ATL1: variants seen among roughly 807,000 people sequenced by gnomAD.
ATL1 encodes atlastin-1.
ATL1 carries 31 observed loss-of-function variants against 75.5 expected under a neutral mutation model. That is an observed-to-expected ratio of 0.41 (90% CI 0.31 to 0.55). ATL1 has a LOEUF of 0.55. ATL1 is among the 20% of genes least tolerant of loss of function. ATL1 has a pLI of 0.27. For synonymous variants in ATL1, 226 were observed against 233.3 expected (o/e 0.97, Z 0.28); for missense variants, 405 against 662.6 (o/e 0.61, Z 4.27).
At chr14:50,624,364 C>T (rs754282031) in intron 11 of ATL1, among the ~76,000 whole-genome samples, 35 of 152,056 alleles carry the variant, frequency 2.3e-4, no homozygotes, top group Non-Finnish European at 4.0e-4. Context: ...CAAACTTTTT[C>T]ATTATTATTA....
chr14:50,576,589 T>A (rs962558381), intron 1 of ATL1, among the ~76,000 whole-genome samples: 1 of 152,068 alleles, frequency 6.6e-6, no homozygotes, highest in Non-Finnish European at 1.5e-5. Context: ...GAAAAAAAAA[T>A]TTTAGAGACA....
intron 1 of ATL1, among the ~76,000 whole-genome samples, chr14:50,570,437 A>G (rs2038944408): frequency 6.6e-6 from 1 of 152,030 alleles, no homozygotes; most frequent in Non-Finnish European, 1.5e-5. Flanking sequence ...GTGTAGTGGT[A>G]TGATCAGAAC....
rs149901427 is a variant in ATL1, at chr14:50,587,959, C to A, written c.163C>A (p.Arg55=). The stretch of plus-strand genomic sequence containing the variant: ...TGAGTTAGATGAAACTGCATTAAAT[C>A]GGATCCTTCTCTCGGAGGCTGTCAG... ...SFELDETALN[R]ILLSEAVRDK... Residue 55 remains arginine (R), a synonymous_variant, in exon 2 of 14, where the codon CGG becomes AGG. Coordinates refer to ENST00000358385, the MANE Select transcript of ATL1 (RefSeq NM_015915.5). 2.5e-6 allele frequency: 4 copies of A among 1,614,058 alleles called. No homozygotes were observed. In the Admixed American group the frequency reaches 6.7e-5, roughly 27 times the overall value.
chr14:50,596,918 A>AG (rs1413234629), intron 6 of ATL1, among the ~76,000 whole-genome samples: 4 of 152,174 alleles, frequency 2.6e-5, no homozygotes, highest in Non-Finnish European at 5.9e-5. Context: ...CAAATTAAGA[A>AG]GAAAAAGTAG....
intron 7 of ATL1, 21 bp from the exon 8 acceptor site, chr14:50,614,351 AC>A (rs1030451134): frequency 6.2e-7 from 1 of 1,613,544 alleles, no homozygotes; most frequent in Non-Finnish European, 8.5e-7. Flanking sequence ...AGTAGTTTAA[AC>A]TTCAGAATGA....
chr14:50,536,001 C>A (rs962824171), intron 1 of ATL1, among the ~76,000 whole-genome samples: 2 of 152,224 alleles, frequency 1.3e-5, no homozygotes, highest in South Asian at 4.1e-4. Flanking sequence ...CTGCTGCCAT[C>A]GTGTGAGACA....
chr14:50,630,127 C>T (rs2039565751), intron 13 of ATL1, 118 bp downstream of exon 13: 3 of 640,036 alleles, frequency 4.7e-6, no homozygotes, highest in African/African-American at 3.8e-5. Context: ...TCTTTGGTGA[C>T]TTCTAACATT....
At chr14:50,619,413 G>T (rs2039445450) in intron 8 of ATL1, among the ~76,000 whole-genome samples, 1 of 152,064 alleles carries the variant, frequency 6.6e-6, no homozygotes, top group East Asian at 1.9e-4. Flanking sequence ...ACGTTGGCCA[G>T]GCTGGTCTCA....
At chr14:50,614,134 G>T (rs1043480937) in intron 7 of ATL1, among the ~76,000 whole-genome samples, 1 of 152,196 alleles carries the variant, frequency 6.6e-6, no homozygotes, top group Non-Finnish European at 1.5e-5. Flanking sequence ...GAAGGTCCAT[G>T]TGAGTTAGCA....
chr14:50,549,815 G>A (rs2038679353), intron 1 of ATL1, among the ~76,000 whole-genome samples: 1 of 152,138 alleles, frequency 6.6e-6, no homozygotes, highest in Non-Finnish European at 1.5e-5. Flanking sequence ...TCCCAGAATG[G>A]CTAAGTTCCC....
intron 1 of ATL1, among the ~76,000 whole-genome samples, chr14:50,540,478 G>A (rs1057222126): frequency 1.3e-5 from 2 of 152,140 alleles, no homozygotes; most frequent in African/African-American, 2.4e-5. Context: ...GTGCAGCCAG[G>A]TATAAACGGT....
At chr14:50,539,746 T>C (rs1048700627) in intron 1 of ATL1, among the ~76,000 whole-genome samples, 1 of 152,234 alleles carries the variant, frequency 6.6e-6, no homozygotes, top group Non-Finnish European at 1.5e-5. Flanking sequence ...AGGATCTTGC[T>C]AAATACTTAC....
rs1231465018 is a variant in ATL1 at position 50,629,994 on chromosome 14, G to A, written c.1552-1G>A. 6.3e-7 allele frequency: 1 copy of A among 1,593,698 alleles called. No individual in the cohort carries two copies. The highest frequency in any genetic ancestry group is 8.6e-7 in the Non-Finnish European group (1 of 1,166,120). Reference sequence around the variant, plus strand: ...TTCTTTTTAATCTGCCTTTGCCACAGGGAAGTACAAATGAGGTAAGTTAAA... The same window carrying A: ...TTCTTTTTAATCTGCCTTTGCCACAAGGAAGTACAAATGAGGTAAGTTAAA... On this transcript the variant is annotated splice_acceptor_variant, in intron 12 of 13. Coordinates refer to ENST00000358385, the MANE Select transcript of ATL1 (RefSeq NM_015915.5). LOFTEE classifies it high-confidence loss of function.
At chr14:50,625,193 C>A (rs554134684) in intron 11 of ATL1, among the ~76,000 whole-genome samples, 32 of 152,282 alleles carry the variant, frequency 2.1e-4, no homozygotes, top group South Asian at 1.2e-3. Flanking sequence ...ACAGCCACAA[C>A]ATGCCCTTAA....
intron 6 of ATL1, among the ~76,000 whole-genome samples, chr14:50,603,417 A>G (rs2039289035): frequency 6.6e-6 from 1 of 152,168 alleles, no homozygotes; most frequent in South Asian, 2.1e-4. Context: ...TGGAGATGTA[A>G]TTATTAGTGA....
At chr14:50,613,868 A>G (rs1342858165) in intron 7 of ATL1, among the ~76,000 whole-genome samples, 2 of 152,166 alleles carry the variant, frequency 1.3e-5, no homozygotes, top group Non-Finnish European at 2.9e-5. Flanking sequence ...TGTATTAAAA[A>G]CTATCAAATA....
intron 1 of ATL1, among the ~76,000 whole-genome samples, chr14:50,560,656 G>A (rs1045777936): frequency 3.9e-5 from 6 of 152,232 alleles, no homozygotes; most frequent in Non-Finnish European, 8.8e-5. Context: ...TATGGGGGTG[G>A]GCAGGGGGCT....
At chr14:50,595,232 T>C (rs2039202881) in intron 5 of ATL1, among the ~76,000 whole-genome samples, 1 of 152,088 alleles carries the variant, frequency 6.6e-6, no homozygotes, top group Non-Finnish European at 1.5e-5. Context: ...TGTTTCCTTC[T>C]TCTGTTTTGT....
chr14:50,564,962 T>C (rs2038888887), intron 1 of ATL1, among the ~76,000 whole-genome samples: 1 of 152,194 alleles, frequency 6.6e-6, no homozygotes, highest in South Asian at 2.1e-4. Flanking sequence ...ATCTTCTATA[T>C]ACCTAATTCT....
Sources: gnomAD v4.1 joint callset for allele counts (sites outside exome capture counted in the v4.1 genomes callset) on GRCh38, gnomAD v4.1.1 for gene constraint, MANE v1.5 for transcripts, NCBI Gene and HGNC (gene_info 2026-07-23, HGNC 2026-07-21) for gene names.